MRTO4: variants seen among roughly 807,000 people sequenced by gnomAD.
The protein encoded by MRTO4 is MRT4 homolog, ribosome maturation factor.
A neutral mutation model predicts 28.6 loss-of-function variants in MRTO4; 7 were observed. The observed-to-expected ratio is 0.24, with a 90% confidence interval of 0.14 to 0.46. The LOEUF (loss-of-function observed/expected upper bound fraction) is 0.46, where lower values mean the gene tolerates loss of function less well. Among genes scored for constraint, MRTO4 ranks in the 20% least tolerant of loss-of-function variants. MRTO4 has a pLI of 0.99. For missense variants in MRTO4, 302 were observed against 298.3 expected, an observed-to-expected ratio of 1.01 and a Z score of -0.09; for synonymous variants, 113 against 108.2, an observed-to-expected ratio of 1.04 and a Z score of -0.27.
chr1:19,253,146 A>G (rs2093665837), intron 1 of MRTO4, among the ~76,000 whole-genome samples: 1 of 152,240 alleles, frequency 6.6e-6, no homozygotes, highest in Non-Finnish European at 1.5e-5. Flanking sequence ...ATCAGATTGA[A>G]AATGGGGTGA....
intron 2 of MRTO4, 103 bp downstream of exon 2, chr1:19,254,943 G>GT: frequency 1.0e-6 from 1 of 996,288 alleles, no homozygotes; most frequent in Non-Finnish European, 1.4e-6. Flanking sequence ...GAACATACTA[G>GT]TGGGGAAAAA....
At chr1:19,252,200 C>T in intron 1 of MRTO4, 3 of 384,050 alleles carry the variant, frequency 7.8e-6, no homozygotes, top group Non-Finnish European at 9.5e-6. Flanking sequence ...CCTTTCTCAT[C>T]TTCCTGCGCT....
intron 1 of MRTO4, among the ~76,000 whole-genome samples, chr1:19,254,111 A>G (rs757747882): frequency 1.3e-5 from 2 of 152,120 alleles, no homozygotes; most frequent in African/African-American, 4.8e-5. Flanking sequence ...GGTGGCTCAC[A>G]CCTATGATTC....
At chr1:19,254,753 A>T (rs749752843) in intron 1 of MRTO4, 29 bp from the exon 2 acceptor site, 1 of 1,581,630 alleles carries the variant, frequency 6.3e-7, no homozygotes, top group East Asian at 2.2e-5. Context: ...TTGGTCTCTC[A>T]TCATCTCTCT....
chr1:19,254,973 C>T (rs1774081), intron 2 of MRTO4, 133 bp downstream of exon 2: 163,671 of 709,012 alleles, frequency 0.23, 21,552 homozygotes, highest in African/African-American at 0.46. Flanking sequence ...TCCAAGCTGC[C>T]AATCCAGGCC....
chr1:19,257,190 C>T (rs1774074), intron 4 of MRTO4, 45 bp downstream of exon 4: 387,561 of 1,577,542 alleles, frequency 0.25, 50,807 homozygotes, highest in African/African-American at 0.47. Context: ...CAAAGCCGCC[C>T]TCTCTCCCAC....
At chr1:19,256,286 C>T (rs2093671370) in intron 3 of MRTO4, among the ~76,000 whole-genome samples, 1 of 152,166 alleles carries the variant, frequency 6.6e-6, no homozygotes, top group Non-Finnish European at 1.5e-5. Context: ...GAGGCTGAGG[C>T]AGGGGGATCA....
At chr1:19,257,330 C>A in intron 4 of MRTO4, 124 bp from the exon 5 acceptor site, 3 of 1,262,468 alleles carry the variant, frequency 2.4e-6, no homozygotes, top group Non-Finnish European at 3.5e-6. Context: ...GCCTCCCACT[C>A]CTTCCTGCTA....
rs1429074393 is a variant in MRTO4 at position 19,259,116 on chromosome 1, CT to C, written c.*287del. On this transcript the variant is annotated 3_prime_UTR_variant, in exon 8 of 8. Coordinates refer to ENST00000330263, the MANE Select transcript of MRTO4 (RefSeq NM_016183.4). ...TCTCTACTAAAAATAGAAAAAAAAA[CT>C]AGTTGGGCATAGTGGCATGTGCCTG... The C allele has an allele frequency of 2.4e-5, 6 of 254,538 alleles. No homozygotes were observed. In the Admixed American group the frequency reaches 2.5e-4, roughly 11 times the overall value. The allele number at this position is 254,538 out of a possible 1,614,324, so 15.8% of individuals were successfully genotyped here.
rs1159015683 is a variant in MRTO4 at position 19,257,879 on chromosome 1, A to G, written c.388A>G (p.Lys130Glu). The change falls in exon 6 of 8, where the codon AAA becomes GAA. Residue 130 changes from lysine to glutamate, a missense_variant. Coordinates refer to ENST00000330263, the MANE Select transcript of MRTO4 (RefSeq NM_016183.4). Reference protein sequence around the residue: ...TEMDYARAGNKAAFTVSLDPG... With the variant: ...TEMDYARAGNEAAFTVSLDPG... ...AATGGACTACGCCCGAGCTGGTAAC[A>G]AAGCAGCTTTCACTGTGAGCCTGGA... 1 of 1,613,940 alleles carries G rather than the reference A, an allele frequency of 6.2e-7. No individual in the cohort carries two copies. The highest frequency in any genetic ancestry group is 8.5e-7 in the Non-Finnish European group (1 of 1,180,034).
At chr1:19,254,628 T>A (rs1028130888) in intron 1 of MRTO4, among the ~76,000 whole-genome samples, 154 bp from the exon 2 acceptor site, 1 of 152,216 alleles carries the variant, frequency 6.6e-6, no homozygotes, top group Non-Finnish European at 1.5e-5. Context: ...GGAATGGCTT[T>A]GTGTGCCAGA....
intron 2 of MRTO4, 74 bp downstream of exon 2, chr1:19,254,914 A>G: frequency 1.5e-6 from 2 of 1,297,656 alleles, no homozygotes; most frequent in Non-Finnish European, 2.1e-6. Flanking sequence ...TTGGCCAGGG[A>G]TAGGACTGTT....
rs1232498223 is a variant in MRTO4, at chr1:19,254,903, G to A, written c.87+63G>A. 5 of 1,398,836 alleles carry A rather than the reference G, an allele frequency of 3.6e-6. No individual in the cohort carries two copies. The East Asian group carries it at 9.8e-5, about 27-fold the overall frequency. The allele number at this position is 1,398,836 out of a possible 1,614,324, so 86.7% of individuals were successfully genotyped here. Reference sequence around the variant, plus strand: ...GGTTTATAAAGGTAGGTATAGGACTGTTGGCCAGGGATAGGACTGTTGGCC... The same window carrying A: ...GGTTTATAAAGGTAGGTATAGGACTATTGGCCAGGGATAGGACTGTTGGCC... On this transcript the variant is annotated intron_variant, in intron 2 of 7. Coordinates refer to ENST00000330263, the MANE Select transcript of MRTO4 (RefSeq NM_016183.4).
At chr1:19,252,933 C>T (rs1456729955) in intron 1 of MRTO4, among the ~76,000 whole-genome samples, 3 of 152,156 alleles carry the variant, frequency 2.0e-5, no homozygotes, top group Admixed American at 6.5e-5. Context: ...AGCCACTACA[C>T]CCGACTTGCG....
chr1:19,254,748 C>T lies in MRTO4; in HGVS notation c.29-34C>T, dbSNP rs778233698. 3 of 1,551,646 alleles carry T rather than the reference C, an allele frequency of 1.9e-6. No individual in the cohort carries two copies. In the Admixed American group the frequency reaches 5.0e-5, roughly 26 times the overall value. On this transcript the variant is annotated intron_variant, in intron 1 of 7. Coordinates refer to ENST00000330263, the MANE Select transcript of MRTO4 (RefSeq NM_016183.4). ...AAGTCTCCAGTGCATTTAGATTGGTCTCTCATCATCTCTCTCCTTTTTGTT... is the reference window on the plus strand; with the variant it reads ...AAGTCTCCAGTGCATTTAGATTGGTTTCTCATCATCTCTCTCCTTTTTGTT...
intron 3 of MRTO4, among the ~76,000 whole-genome samples, chr1:19,256,840 T>C (rs2093672162): frequency 6.6e-6 from 1 of 152,144 alleles, no homozygotes; most frequent in African/African-American, 2.4e-5. Context: ...ATGCTCGTGA[T>C]GGGCTGGGAG....
In MRTO4 at chr1:19,257,865, C is replaced by A; in HGVS notation, c.374C>A (p.Ala125Asp). 2.5e-6 allele frequency: 4 copies of A among 1,613,794 alleles called. No homozygotes were observed. Among genetic ancestry groups the A allele is most frequent in the Non-Finnish European group, 3.4e-6 (4 of 1,180,016 alleles). Reference protein sequence around the residue: ...WFTKYTEMDYARAGNKAAFTV... With the variant: ...WFTKYTEMDYDRAGNKAAFTV... ...ACGAAATACACAGAAATGGACTACG[C>A]CCGAGCTGGTAACAAAGCAGCTTTC... The change falls in exon 6 of 8, where the codon GCC becomes GAC. Residue 125 changes from alanine (A) to aspartate (D), a missense_variant. Coordinates refer to ENST00000330263, the MANE Select transcript of MRTO4 (RefSeq NM_016183.4).
At chr1:19,258,589 G>C in intron 7 of MRTO4, 36 bp downstream of exon 7, 1 of 1,613,942 alleles carries the variant, frequency 6.2e-7, no homozygotes, top group Non-Finnish European at 8.5e-7. Context: ...TGCGGGCGGG[G>C]TTGCTGGCTT....
intron 3 of MRTO4, 77 bp downstream of exon 3, chr1:19,256,128 T>C: frequency 7.7e-7 from 1 of 1,295,810 alleles, no homozygotes; most frequent in Non-Finnish European, 1.1e-6. Context: ...ACAGGAGCAA[T>C]TTCTGACCCT....
Sources: allele counts gnomAD v4.1 joint callset (sites outside exome capture counted in the v4.1 genomes callset), GRCh38; gene constraint gnomAD v4.1.1; transcripts MANE v1.5; gene names NCBI Gene and HGNC (gene_info 2026-07-23, HGNC 2026-07-21).